The following DACH2 variants were observed in gnomAD, a reference collection of about 807,000 sequenced individuals.
DACH2 encodes dachshund family transcription factor 2.
DACH2 carries 17 observed loss-of-function variants against 35.8 expected under a neutral mutation model. That is an observed-to-expected ratio of 0.48 (90% CI 0.33 to 0.71). The LOEUF (loss-of-function observed/expected upper bound fraction) is 0.71, where lower values mean the gene tolerates loss of function less well. DACH2 is among the 30% of genes least tolerant of loss of function. The pLI is 0.02. For missense variants in DACH2, 469 were observed against 472.7 expected (o/e 0.99, Z 0.07); for synonymous variants, 195 against 177.3 (o/e 1.10, Z -0.79).
chrX:86,168,855 A>G (rs949995416), intron 1 of DACH2, among the ~76,000 whole-genome samples: 2 of 109,408 alleles, frequency 1.8e-5, no homozygotes, highest in Admixed American at 9.8e-5. Context: ...TGTACTGACT[A>G]TGTCTTGAAA....
At chrX:86,368,139 T>G (rs1331583373) in intron 1 of DACH2, among the ~76,000 whole-genome samples, 1 of 112,336 alleles carries the variant, frequency 8.9e-6, no homozygotes, top group Non-Finnish European at 1.9e-5. Context: ...AAGTGATATT[T>G]TCATCTTATA....
chrX:86,545,031 G>T (rs1454945721), intron 3 of DACH2, among the ~76,000 whole-genome samples: 1 of 111,677 alleles, frequency 9.0e-6, no homozygotes, highest in East Asian at 2.8e-4. Context: ...CTGACCTCCG[G>T]TGATCCACCC....
chrX:86,389,901 A>G (rs2036175228), intron 2 of DACH2, among the ~76,000 whole-genome samples: 1 of 112,090 alleles, frequency 8.9e-6, no homozygotes, highest in Non-Finnish European at 1.9e-5. Flanking sequence ...AAAAATCTTA[A>G]AACTAGACTA....
At chrX:86,283,986 A>T (rs1224368810) in intron 1 of DACH2, among the ~76,000 whole-genome samples, 1 of 99,262 alleles carries the variant, frequency 1.0e-5, no homozygotes, top group African/African-American at 4.3e-5. Context: ...TATCAGTTTT[A>T]ATTTTTTTTT....
intron 1 of DACH2, among the ~76,000 whole-genome samples, chrX:86,245,464 C>A (rs762264352): frequency 7.2e-5 from 8 of 111,673 alleles, no homozygotes; most frequent in African/African-American, 2.6e-4. Context: ...AACACCTTGC[C>A]CCTTTAGAGC....
chrX:86,536,830 G>T (rs1367285384), intron 3 of DACH2, among the ~76,000 whole-genome samples: 1 of 112,049 alleles, frequency 8.9e-6, no homozygotes, highest in Non-Finnish European at 1.9e-5. Flanking sequence ...CTGAGGCTGT[G>T]ACAGAGGCCA....
At chrX:86,399,303 A>G (rs1410365345) in intron 2 of DACH2, among the ~76,000 whole-genome samples, 1 of 111,694 alleles carries the variant, frequency 9.0e-6, no homozygotes, top group Non-Finnish European at 1.9e-5. Context: ...TTTCCTGAAT[A>G]CAGCACACTG....
intron 3 of DACH2, among the ~76,000 whole-genome samples, chrX:86,561,696 A>G (rs1363242540): frequency 4.3e-5 from 2 of 46,014 alleles, no homozygotes; most frequent in Non-Finnish European, 7.8e-5. Flanking sequence ...TGGGAATTGA[A>G]CAATGAGATC....
intron 3 of DACH2, among the ~76,000 whole-genome samples, chrX:86,600,876 G>C (rs780180712): frequency 9.0e-5 from 10 of 111,311 alleles, no homozygotes; most frequent in Non-Finnish European, 1.9e-4. Flanking sequence ...AGTTCAAGTG[G>C]TGGGAAGTCA....
chrX:86,300,808 T>C (rs774869416), intron 1 of DACH2, among the ~76,000 whole-genome samples: 1 of 112,341 alleles, frequency 8.9e-6, no homozygotes, highest in South Asian at 3.6e-4. Context: ...GTTATATTAG[T>C]CAGGGTATTG....
intron 2 of DACH2, among the ~76,000 whole-genome samples, chrX:86,398,070 G>T (rs764142130): frequency 8.9e-6 from 1 of 112,067 alleles, no homozygotes; most frequent in South Asian, 3.7e-4. Flanking sequence ...TTCAGAGCCT[G>T]TTATTGGTCT....
intron 1 of DACH2, among the ~76,000 whole-genome samples, chrX:86,201,988 GA>G (rs1402244515): frequency 9.0e-6 from 1 of 111,077 alleles, no homozygotes; most frequent in Non-Finnish European, 1.9e-5. Context: ...TAAGTAGTTG[GA>G]AAAATTGAGT....
chrX:86,712,684 A>G (rs1189865904), intron 5 of DACH2, among the ~76,000 whole-genome samples: 1 of 111,229 alleles, frequency 9.0e-6, no homozygotes, highest in Non-Finnish European at 1.9e-5. Context: ...TTTGAATTCA[A>G]TGTTGTAAGA....
At chrX:86,653,062 G>A (rs186643372) in intron 4 of DACH2, among the ~76,000 whole-genome samples, 1 of 111,751 alleles carries the variant, frequency 8.9e-6, no homozygotes, top group Non-Finnish European at 1.9e-5. Context: ...TTTACAATTC[G>A]AGGTTTTATA....
chrX:86,453,866 A>T (rs763371825), intron 2 of DACH2, among the ~76,000 whole-genome samples: 1 of 110,598 alleles, frequency 9.0e-6, no homozygotes, highest in African/African-American at 3.3e-5. Context: ...TAATTGCTTC[A>T]TAGTGTCACT....
chrX:86,304,203 C>T (rs1602383162), intron 1 of DACH2, among the ~76,000 whole-genome samples: 1 of 111,734 alleles, frequency 8.9e-6, no homozygotes. Flanking sequence ...CTCTCTCTTA[C>T]CCTACACAAA....
At chrX:86,680,152 CCT>C (rs1188804105) in intron 4 of DACH2, among the ~76,000 whole-genome samples, 1 of 111,746 alleles carries the variant, frequency 8.9e-6, no homozygotes, top group Non-Finnish European at 1.9e-5. Flanking sequence ...CAATCTTTCT[CCT>C]CTCTCTTCCA....
At chrX:86,305,519 G>A (rs991772933) in intron 1 of DACH2, among the ~76,000 whole-genome samples, 1 of 111,216 alleles carries the variant, frequency 9.0e-6, no homozygotes, top group African/African-American at 3.3e-5. Context: ...ATTGTTCAGG[G>A]CAAGGATTTT....
intron 1 of DACH2, among the ~76,000 whole-genome samples, chrX:86,336,803 C>T (rs950514841): frequency 9.1e-6 from 1 of 109,523 alleles, no homozygotes; most frequent in Non-Finnish European, 1.9e-5. Context: ...TGTTCTAACC[C>T]AATGCAAGAA....
Sources: gnomAD v4.1 joint callset for allele counts (sites outside exome capture counted in the v4.1 genomes callset) on GRCh38, gnomAD v4.1.1 for gene constraint, MANE v1.5 for transcripts, NCBI Gene and HGNC (gene_info 2026-07-23, HGNC 2026-07-21) for gene names.